Variants in COMMD10 observed in about 807,000 individuals in gnomAD.
The protein encoded by COMMD10 is COMM domain-containing protein 10.
Under a neutral mutation model 28.9 loss-of-function variants are expected in COMMD10, and 33 were observed. The ratio of observed to expected loss-of-function variants is 1.14; its 90% CI spans 0.87 to 1.53. COMMD10 has a LOEUF of 1.53. Among genes scored for constraint, COMMD10 ranks in the 40% most tolerant of loss-of-function variants. The pLI is 0.00. For missense variants in COMMD10, 310 were observed against 233.4 expected (o/e 1.33, Z -2.14); for synonymous variants, 110 against 81.7 (o/e 1.35, Z -1.87).
intron 5 of COMMD10, among the ~76,000 whole-genome samples, chr5:116,246,682 C>A (rs1334700579): frequency 2.0e-5 from 3 of 152,030 alleles, no homozygotes; most frequent in African/African-American, 7.2e-5. Context: ...AGATATAAGG[C>A]CATATACCTA....
intron 5 of COMMD10, among the ~76,000 whole-genome samples, chr5:116,174,528 A>G (rs1753438439): frequency 6.6e-6 from 1 of 152,202 alleles, no homozygotes; most frequent in African/African-American, 2.4e-5. Flanking sequence ...TGGATAATCA[A>G]TTAGTAGAAT....
intron 5 of COMMD10, among the ~76,000 whole-genome samples, chr5:116,285,866 T>C (rs1019038191): frequency 6.6e-6 from 1 of 151,838 alleles, no homozygotes; most frequent in African/African-American, 2.4e-5. Flanking sequence ...ACCAGGATAA[T>C]ACTGGCCTCA....
chr5:116,281,975 G>A (rs1561407499), intron 5 of COMMD10, among the ~76,000 whole-genome samples: 1 of 151,760 alleles, frequency 6.6e-6, no homozygotes, highest in Non-Finnish European at 1.5e-5. Context: ...TACTTTCATG[G>A]TTTTAAATAT....
At chr5:116,177,542 G>A (rs556409288) in intron 5 of COMMD10, among the ~76,000 whole-genome samples, 6 of 145,458 alleles carry the variant, frequency 4.1e-5, no homozygotes, top group African/African-American at 1.6e-4. Flanking sequence ...CCACCCCACT[G>A]CAGAATAATG....
rs189102688 is a variant in COMMD10 at position 116,086,847 on chromosome 5, C to T, written c.42-650C>T. ...ACAAAAATTAGCCAGCGCTGTGGCCCGCGCATGTAGTTCTAGCTACTTGGG... is the reference window on the plus strand; with the variant it reads ...ACAAAAATTAGCCAGCGCTGTGGCCTGCGCATGTAGTTCTAGCTACTTGGG... On this transcript the variant is annotated intron_variant, in intron 1 of 6. Transcript: ENST00000274458. Among the ~76,000 whole-genome samples the T allele has an allele frequency of 2.6e-4, 40 of 152,140 alleles. 1 individual carries two copies. Among genetic ancestry groups the T allele is most frequent in the East Asian group, 7.8e-4 (4 of 5,144 alleles).
chr5:116,169,306 G>A (rs1433851101), intron 5 of COMMD10, among the ~76,000 whole-genome samples: 4 of 152,108 alleles, frequency 2.6e-5, no homozygotes, highest in Non-Finnish European at 5.9e-5. Context: ...GGAATAAGAT[G>A]AATCTCTGAA....
intron 2 of COMMD10, among the ~76,000 whole-genome samples, chr5:116,089,484 TGGGACAAGAA>T (rs1400581505): frequency 2.6e-5 from 4 of 152,222 alleles, no homozygotes; most frequent in Admixed American, 6.5e-5. Flanking sequence ...TATAAAAATA[TGGGACAAGAA>T]ACTCTTATAC....
intron 5 of COMMD10, among the ~76,000 whole-genome samples, chr5:116,191,913 C>G (rs1171828351): frequency 6.6e-6 from 1 of 151,238 alleles, no homozygotes; most frequent in Non-Finnish European, 1.5e-5. Context: ...TCCTCCCACC[C>G]CCCACTAACT....
At chr5:116,087,680 T>C in intron 2 of COMMD10, 93 bp downstream of exon 2, 3 of 816,084 alleles carry the variant, frequency 3.7e-6, no homozygotes, top group Non-Finnish European at 6.3e-6. Flanking sequence ...AGCATAGTGT[T>C]CTCCAATATG....
chr5:116,288,578 T>C (rs1413364797), intron 5 of COMMD10, among the ~76,000 whole-genome samples: 1 of 151,718 alleles, frequency 6.6e-6, no homozygotes, highest in East Asian at 1.9e-4. Context: ...CCATCATGCA[T>C]ATATGGACCT....
chr5:116,227,504 C>T (rs1749422311), intron 5 of COMMD10, among the ~76,000 whole-genome samples: 1 of 151,918 alleles, frequency 6.6e-6, no homozygotes, highest in Non-Finnish European at 1.5e-5. Context: ...CATCCTGCCA[C>T]AAAATAGTAC....
intron 4 of COMMD10, among the ~76,000 whole-genome samples, chr5:116,126,329 C>T (rs1286567473): frequency 1.3e-5 from 2 of 152,102 alleles, no homozygotes; most frequent in African/African-American, 2.4e-5. Context: ...GAATCGATAT[C>T]ATGAAAATGG....
In COMMD10 at chr5:116,106,174, G is replaced by A. The variant is rs183929691; in HGVS notation, c.399+13474G>A. ...GCTTTAAATGTGTCCCACAGATTCT[G>A]GTACCTTGTGTCTTTGTTCTCATTG... On this transcript the variant is annotated intron_variant, in intron 4 of 6. Coordinates refer to ENST00000274458, the MANE Select transcript of COMMD10 (RefSeq NM_016144.4). Among the ~76,000 whole-genome samples the A allele has an allele frequency of 9.9e-5, 15 of 151,516 alleles. No individual in the cohort carries two copies. In the East Asian group the frequency reaches 2.9e-3, roughly 29 times the overall value.
intron 5 of COMMD10, among the ~76,000 whole-genome samples, chr5:116,138,038 T>C (rs1752081334): frequency 6.6e-6 from 1 of 151,902 alleles, no homozygotes; most frequent in African/African-American, 2.4e-5. Context: ...TTATTTGAAA[T>C]AACATTCAAA....
chr5:116,200,909 T>C (rs1748649161), intron 5 of COMMD10, among the ~76,000 whole-genome samples: 1 of 152,170 alleles, frequency 6.6e-6, no homozygotes, highest in Non-Finnish European at 1.5e-5. Flanking sequence ...GTTCTGATGC[T>C]TGTTCTGTCC....
intron 5 of COMMD10, among the ~76,000 whole-genome samples, chr5:116,242,704 T>C (rs1749844311): frequency 6.6e-6 from 1 of 152,156 alleles, no homozygotes; most frequent in African/African-American, 2.4e-5. Context: ...GCCAGAGCAA[T>C]TGCCTGTTCA....
At chr5:116,272,131 T>C (rs562874724) in intron 5 of COMMD10, among the ~76,000 whole-genome samples, 2 of 152,020 alleles carry the variant, frequency 1.3e-5, no homozygotes, top group Admixed American at 1.3e-4. Flanking sequence ...CGAGACACTT[T>C]TCTAAGCGAT....
At chr5:116,128,074 A>T (rs1267683614) in intron 4 of COMMD10, among the ~76,000 whole-genome samples, 1 of 152,042 alleles carries the variant, frequency 6.6e-6, no homozygotes, top group Non-Finnish European at 1.5e-5. Flanking sequence ...AAAAAACTTT[A>T]ATGCTGCTGT....
intron 5 of COMMD10, among the ~76,000 whole-genome samples, chr5:116,178,087 T>C (rs566081317): frequency 1.2e-3 from 178 of 152,234 alleles, no homozygotes; most frequent in Non-Finnish European, 2.0e-3. Context: ...AATAAATACT[T>C]CATTTTCCTA....
Sources: allele counts gnomAD v4.1 joint callset (sites outside exome capture counted in the v4.1 genomes callset), GRCh38; gene constraint gnomAD v4.1.1; transcripts MANE v1.5; gene names NCBI Gene and HGNC (gene_info 2026-07-23, HGNC 2026-07-21).